The following CLASP2 variants were observed in gnomAD, a reference collection of about 807,000 sequenced individuals.
CLASP2 encodes CLIP-associating protein 2.
Under a neutral mutation model 194.4 loss-of-function variants are expected in CLASP2, and 47 were observed. That is an observed-to-expected ratio of 0.24 (90% CI 0.19 to 0.31). The LOEUF is 0.31. CLASP2 is among the 10% of genes least tolerant of loss of function. The pLI is 1.00. For missense variants in CLASP2, 1,445 were observed against 1,823.6 expected, an observed-to-expected ratio of 0.79 and a Z score of 3.78; for synonymous variants, 619 against 633.5, an observed-to-expected ratio of 0.98 and a Z score of 0.34.
At chr3:33,661,797 C>T (rs888542252) in intron 7 of CLASP2, among the ~76,000 whole-genome samples, 1 of 152,122 alleles carries the variant, frequency 6.6e-6, no homozygotes, top group Non-Finnish European at 1.5e-5. Context: ...CATTTAAAGC[C>T]TTTGAGTGGG....
chr3:33,568,843 A>G (rs1284634727), intron 26 of CLASP2, among the ~76,000 whole-genome samples: 7 of 152,190 alleles, frequency 4.6e-5, no homozygotes, highest in Non-Finnish European at 8.8e-5. Flanking sequence ...CTGTTGGTCT[A>G]AAAATACATT....
chr3:33,533,811 G>A (rs1481040410), intron 34 of CLASP2, among the ~76,000 whole-genome samples: 1 of 152,082 alleles, frequency 6.6e-6, no homozygotes, highest in African/African-American at 2.4e-5. Context: ...ACCTCCCAGG[G>A]AGTTCAAGCG....
intron 5 of CLASP2, among the ~76,000 whole-genome samples, chr3:33,685,026 TA>T (rs113253787): frequency 2.8e-5 from 4 of 140,588 alleles, no homozygotes; most frequent in East Asian, 2.1e-4. Flanking sequence ...AATAAATAAA[TA>T]AATAATAATA....
rs1313224061 is a variant in CLASP2, at chr3:33,708,524, G to GTA, written c.195+9282_195+9283dup. ...TATATATGTATATATATGTATATAT[G>GTA]TATATATATATGTATATATGTATAT... is the stretch of plus-strand genomic sequence containing the variant. On this transcript the variant is annotated intron_variant, in intron 1 of 38. Coordinates refer to ENST00000682230, the MANE Select transcript of CLASP2 (RefSeq NM_001365631.1). 4.3e-3 allele frequency among the ~76,000 whole-genome samples: 428 copies of GTA among 100,138 alleles called. 1 individual carries two copies. The highest frequency in any genetic ancestry group is 7.9e-3 in the Admixed American group (62 of 7,832). 65.7% of individuals were successfully genotyped at this position (100,138 alleles called of 152,430 possible).
At chr3:33,615,131 A>G (rs1559388860) in intron 12 of CLASP2, among the ~76,000 whole-genome samples, 1 of 152,186 alleles carries the variant, frequency 6.6e-6, no homozygotes, top group African/African-American at 2.4e-5. Context: ...CACTAAAGCC[A>G]AACAAGAATG....
At chr3:33,669,670 TTCTC>T (rs952753462) in intron 6 of CLASP2, among the ~76,000 whole-genome samples, 23 of 151,772 alleles carry the variant, frequency 1.5e-4, no homozygotes, top group African/African-American at 3.1e-4. Flanking sequence ...TAAATGGTGC[TTCTC>T]TCTATTTGTA....
At chr3:33,706,233 G>A (rs1217774716) in intron 1 of CLASP2, among the ~76,000 whole-genome samples, 3 of 152,160 alleles carry the variant, frequency 2.0e-5, no homozygotes, top group African/African-American at 7.2e-5. Flanking sequence ...GGGCAACAGA[G>A]TGAGATCCTC....
At chr3:33,691,131 T>A (rs1420935938) in intron 2 of CLASP2, among the ~76,000 whole-genome samples, 3 of 152,118 alleles carry the variant, frequency 2.0e-5, no homozygotes, top group Non-Finnish European at 4.4e-5. Flanking sequence ...TCCTAACAGG[T>A]CATGGACTGG....
At chr3:33,644,955 T>C in intron 7 of CLASP2, 52 bp from the exon 8 acceptor site, 7 of 1,533,514 alleles carry the variant, frequency 4.6e-6, no homozygotes, top group Non-Finnish European at 6.2e-6. Context: ...TTTGTTCCAT[T>C]TTCCCTAAAG....
intron 16 of CLASP2, among the ~76,000 whole-genome samples, chr3:33,606,142 A>G (rs1361352243): frequency 1.3e-5 from 2 of 152,072 alleles, no homozygotes; most frequent in Non-Finnish European, 2.9e-5. Context: ...GAACTAAGTC[A>G]GATACTAGAT....
chr3:33,635,989 A>T (rs1161673631), intron 8 of CLASP2, among the ~76,000 whole-genome samples: 4 of 152,218 alleles, frequency 2.6e-5, no homozygotes, highest in African/African-American at 9.6e-5. Context: ...AAAAAATCAG[A>T]GGAAACTGTG....
intron 27 of CLASP2, 72 bp from the exon 28 acceptor site, chr3:33,561,043 G>C (rs142067489): frequency 2.6e-5 from 34 of 1,325,676 alleles, no homozygotes; most frequent in African/African-American, 1.9e-4. Context: ...AATTCAAAGC[G>C]AATACAGAAA....
chr3:33,607,339 T>A (rs1287383648), intron 15 of CLASP2, 45 bp downstream of exon 15: 1 of 1,336,954 alleles, frequency 7.5e-7, no homozygotes, highest in Admixed American at 2.6e-5. Context: ...ACATTTTTTT[T>A]TAAAAAAGAT....
chr3:33,554,418 T>TACTG (rs2060573691), intron 29 of CLASP2, among the ~76,000 whole-genome samples: 1 of 152,040 alleles, frequency 6.6e-6, no homozygotes, highest in South Asian at 2.1e-4. Flanking sequence ...GAAAGACAAA[T>TACTG]ACTGTATGAT....
intron 35 of CLASP2, among the ~76,000 whole-genome samples, chr3:33,516,753 T>G (rs989809190): frequency 1.3e-5 from 2 of 152,196 alleles, no homozygotes; most frequent in Non-Finnish European, 2.9e-5. Context: ...AACATGTACT[T>G]TTCTATAAGA....
At chr3:33,670,432 A>C (rs1302078543) in intron 6 of CLASP2, among the ~76,000 whole-genome samples, 2 of 152,206 alleles carry the variant, frequency 1.3e-5, no homozygotes, top group Non-Finnish European at 2.9e-5. Context: ...ATAAACATTT[A>C]AAATATTTTT....
intron 8 of CLASP2, among the ~76,000 whole-genome samples, chr3:33,637,160 T>C (rs561952861): frequency 6.6e-6 from 1 of 151,920 alleles, no homozygotes; most frequent in South Asian, 2.1e-4. Context: ...CAAGACAATC[T>C]TAAAAAACAA....
chr3:33,694,871 A>C (rs150435035), intron 2 of CLASP2, among the ~76,000 whole-genome samples: 96 of 152,170 alleles, frequency 6.3e-4, no homozygotes, highest in African/African-American at 2.2e-3. Flanking sequence ...AGTGTTGAGG[A>C]GGCTGAGGCT....
Position 33,560,798 on chromosome 3 carries a change from A to C in CLASP2, c.2930+10T>G. ...TCAGGTTAACTTGAAATATATGAAA[A>C]AAATATTACCTTGTAACATCAAGGG... On this transcript the variant is annotated intron_variant, in intron 28 of 38. Coordinates refer to ENST00000682230, the MANE Select transcript of CLASP2 (RefSeq NM_001365631.1). The C allele has an allele frequency of 6.2e-7, 1 of 1,609,364 alleles. No homozygotes were observed. Among genetic ancestry groups the C allele is most frequent in the South Asian group, 1.1e-5 (1 of 90,394 alleles).
Sources: allele counts gnomAD v4.1 joint callset (sites outside exome capture counted in the v4.1 genomes callset), GRCh38; gene constraint gnomAD v4.1.1; transcripts MANE v1.5; gene names NCBI Gene and HGNC (gene_info 2026-07-23, HGNC 2026-07-21).